Variants in CCDC33 observed in about 807,000 individuals in gnomAD.
The protein encoded by CCDC33 is coiled-coil domain-containing protein 33.
CCDC33 carries 94 observed loss-of-function variants against 91.9 expected under a neutral mutation model. That is an observed-to-expected ratio of 1.02 (90% CI 0.87 to 1.21). The LOEUF (loss-of-function observed/expected upper bound fraction) is 1.21. CCDC33 is among the 50% of genes most tolerant of loss of function. The probability of loss-of-function intolerance (pLI) is 0.00; values close to 1 mark genes in which losing one functional copy is unlikely to be tolerated. For synonymous variants in CCDC33, 396 were observed against 374.5 expected, an observed-to-expected ratio of 1.06 and a Z score of -0.66; for missense variants, 940 against 935.5, an observed-to-expected ratio of 1.00 and a Z score of -0.06.
At chr15:74,209,243 C>A in intron 1 of CCDC33, 8 of 1,154,908 alleles carry the variant, frequency 6.9e-6, no homozygotes, top group Non-Finnish European at 9.9e-6. Flanking sequence ...ACCGTTTGCT[C>A]GAAACTTGAT....
intron 7 of CCDC33, among the ~76,000 whole-genome samples, chr15:74,274,314 A>G (rs1308483724): frequency 2.0e-5 from 3 of 152,132 alleles, no homozygotes; most frequent in Non-Finnish European, 4.4e-5. Flanking sequence ...GAATAGCCAG[A>G]TTGGTCTCTT....
rs180861341 is a variant in CCDC33 at position 74,229,503 on chromosome 15, A to T, written c.675+10642A>T. ...TGAGACACCGTCTCAAAAAAATAGA[A>T]ATAAAAATAAAATAAAGTGGGGACA... On this transcript the variant is annotated intron_variant, in intron 2 of 2. Transcript: ENST00000635913. Among the ~76,000 whole-genome samples the T allele has an allele frequency of 4.2e-3, 635 of 152,342 alleles. 4 individuals carry two copies. Among genetic ancestry groups the T allele is most frequent in the Admixed American group, 6.8e-3 (104 of 15,308 alleles).
intron 11 of CCDC33, chr15:74,318,613 C>G: frequency 1.3e-6 from 1 of 742,974 alleles, no homozygotes; most frequent in South Asian, 1.5e-5. Flanking sequence ...GGCCCCCATC[C>G]CCTCCAGCCC....
rs182255341 is a variant in CCDC33 at position 74,264,539 on chromosome 15, C to A, written c.319+1966C>A. Among the ~76,000 whole-genome samples, 13 of 152,278 alleles carry A rather than the reference C, an allele frequency of 8.5e-5. No individual in the cohort carries two copies. In the East Asian group the frequency reaches 2.5e-3, roughly 29 times the overall value. The stretch of plus-strand genomic sequence containing the variant: ...TGTACGGCACTCACCTCTCGTTCAA[C>A]CTTGGCAAATCCCAACTGGATCTGG... On this transcript the variant is annotated intron_variant, in intron 3 of 18. Transcript: ENST00000398814.
At chr15:74,331,929 C>G (rs1379847820) in intron 15 of CCDC33, among the ~76,000 whole-genome samples, 1 of 152,138 alleles carries the variant, frequency 6.6e-6, no homozygotes, top group Non-Finnish European at 1.5e-5. Flanking sequence ...ACTTGGGAGG[C>G]TGAGGCAGGA....
At chr15:74,242,086 C>T (rs79314655) in intron 1 of CCDC33, among the ~76,000 whole-genome samples, 3,027 of 152,302 alleles carry the variant, frequency 0.02, 107 homozygotes, top group African/African-American at 0.069. Flanking sequence ...CCTAAAACTC[C>T]TCGGGGCAGA....
In CCDC33 at chr15:74,283,596, A is replaced by AATTCATTTAG. The variant is rs1285782025; in HGVS notation, c.1095+1748_1095+1757dup. Among the ~76,000 whole-genome samples, 17 of 152,266 alleles carry AATTCATTTAG rather than the reference A, an allele frequency of 1.1e-4. No homozygotes were observed. The East Asian group carries it at 1.7e-3, about 16-fold the overall frequency. On this transcript the variant is annotated intron_variant, in intron 10 of 18. Coordinates refer to ENST00000398814, the MANE Select transcript of CCDC33 (RefSeq NM_025055.5). ...CAAGTCATGCGGGAAAATGCTGCCG[A>AATTCATTTAG]ATTCATTTAGCTGCTGAGTGTTTTG...
intron 1 of CCDC33, among the ~76,000 whole-genome samples, chr15:74,208,311 T>A (rs2074308836): frequency 6.6e-6 from 1 of 152,086 alleles, no homozygotes; most frequent in Admixed American, 6.5e-5. Flanking sequence ...TTCGGAGGAC[T>A]AGACACAAGG....
At chr15:74,258,669 T>C (rs1254973582) in intron 2 of CCDC33, among the ~76,000 whole-genome samples, 1 of 152,158 alleles carries the variant, frequency 6.6e-6, no homozygotes, top group Non-Finnish European at 1.5e-5. Context: ...TGTGTGTGTA[T>C]GTATGTGTGG....
At chr15:74,311,010 G>T (rs1230471789) in intron 11 of CCDC33, among the ~76,000 whole-genome samples, 1 of 152,190 alleles carries the variant, frequency 6.6e-6, no homozygotes, top group African/African-American at 2.4e-5. Context: ...GGCTGGGGAG[G>T]AGGCTTGTGG....
At chr15:74,286,808 T>G (rs1240860706) in intron 10 of CCDC33, among the ~76,000 whole-genome samples, 1 of 151,208 alleles carries the variant, frequency 6.6e-6, no homozygotes, top group Non-Finnish European at 1.5e-5. Context: ...TTCCTGGGAG[T>G]ATAGAGAGGG....
intron 9 of CCDC33, among the ~76,000 whole-genome samples, 196 bp from the exon 10 acceptor site, chr15:74,281,582 C>G (rs2059364904): frequency 6.6e-6 from 1 of 152,196 alleles, no homozygotes; most frequent in Non-Finnish European, 1.5e-5. Context: ...CCAGACAGGT[C>G]TCTAGAGGGG....
chr15:74,281,948 A>G, intron 10 of CCDC33, 99 bp downstream of exon 10: 1 of 1,002,280 alleles, frequency 1.0e-6, no homozygotes, highest in Non-Finnish European at 1.5e-6. Context: ...GACTTCTGGG[A>G]GGATGGGACT....
At position 74,203,110 on chromosome 15, in the gene CCDC33, C is replaced by A. The variant is rs969086492; in HGVS notation, n.89+12C>A. ...ACAGCAACAACCGAGTGAGACGGAC[C>A]GCTGGGGCTGGGCTGGGGCGGAGGC... On this transcript the variant is annotated intron_variant and non_coding_transcript_variant, in intron 1 of 3. Coordinates refer to the CCDC33 transcript ENST00000558645. 13 of 985,592 alleles carry A rather than the reference C, an allele frequency of 1.3e-5. No homozygotes were observed. In the East Asian group the frequency reaches 9.1e-4, roughly 69 times the overall value. 61.1% of individuals were successfully genotyped at this position (985,592 alleles called of 1,614,324 possible).
chr15:74,266,919 G>A (rs2076181277), intron 4 of CCDC33, 132 bp downstream of exon 4: 2 of 623,164 alleles, frequency 3.2e-6, no homozygotes, highest in Non-Finnish European at 5.7e-6. Flanking sequence ...ACCATGTGGG[G>A]CTCAGGAAAC....
chr15:74,295,602 A>AG (rs902761844), intron 10 of CCDC33, 152 bp from the exon 11 acceptor site: 89 of 562,742 alleles, frequency 1.6e-4, no homozygotes, highest in Non-Finnish European at 2.5e-4. Context: ...CCGGTGAGCA[A>AG]GGGGCAGATG....
At chr15:74,331,392 G>T in intron 15 of CCDC33, 96 bp downstream of exon 15, 1 of 1,245,584 alleles carries the variant, frequency 8.0e-7, no homozygotes, top group Non-Finnish European at 1.1e-6. Context: ...GAGAACCTGC[G>T]AAGAGGTCCC....
chr15:74,240,688 G>T (rs528457285), intron 1 of CCDC33, among the ~76,000 whole-genome samples: 71 of 152,224 alleles, frequency 4.7e-4, no homozygotes, highest in Middle Eastern at 3.4e-3. Context: ...CGCCTCCTAG[G>T]TTCAAGCAAT....
At chr15:74,209,662 CA>C in intron 2 of CCDC33, 1 of 563,110 alleles carries the variant, frequency 1.8e-6, no homozygotes, top group South Asian at 2.3e-5. Context: ...CTGCAACCTC[CA>C]ACGCTGCTGG....
Sources: allele counts gnomAD v4.1 joint callset (sites outside exome capture counted in the v4.1 genomes callset), GRCh38; gene constraint gnomAD v4.1.1; transcripts MANE v1.5; gene names NCBI Gene and HGNC (gene_info 2026-07-23, HGNC 2026-07-21).